The following PRKD3 variants were observed in gnomAD, a reference collection of about 807,000 sequenced individuals.
The protein encoded by PRKD3 is protein kinase D3.
A neutral mutation model predicts 99.2 loss-of-function variants in PRKD3; 47 were observed. That is an observed-to-expected ratio of 0.47 (90% CI 0.38 to 0.60). The LOEUF (loss-of-function observed/expected upper bound fraction) is 0.60, where lower values mean the gene tolerates loss of function less well. PRKD3 is among the 20% of genes least tolerant of loss of function. The pLI, the probability that PRKD3 is intolerant of heterozygous loss-of-function variation, is 0.00. For missense variants in PRKD3, 1,019 were observed against 1,088.4 expected, an observed-to-expected ratio of 0.94 and a Z score of 0.90; for synonymous variants, 392 against 355.4, an observed-to-expected ratio of 1.10 and a Z score of -1.16.
intron 7 of PRKD3, 72 bp from the exon 8 acceptor site, chr2:37,280,001 TAA>T: frequency 2.0e-6 from 2 of 1,021,100 alleles, no homozygotes; most frequent in East Asian, 2.7e-5. Flanking sequence ...AAAAAAGTCT[TAA>T]GAGTCTTAAA....
chr2:37,274,287 T>G (rs1337600926), intron 11 of PRKD3, 134 bp downstream of exon 11: 1 of 964,128 alleles, frequency 1.0e-6, no homozygotes, highest in East Asian at 2.6e-5. Context: ...ACTAATTGTA[T>G]TGGTTACTAA....
intron 1 of PRKD3, among the ~76,000 whole-genome samples, chr2:37,323,163 T>C (rs563860583): frequency 6.6e-6 from 1 of 151,358 alleles, no homozygotes; most frequent in East Asian, 1.9e-4. Flanking sequence ...TATTTTAAAG[T>C]GGCTATCTGA....
chr2:37,311,024 G>A (rs1313772899), intron 2 of PRKD3, among the ~76,000 whole-genome samples: 1 of 152,134 alleles, frequency 6.6e-6, no homozygotes, highest in Non-Finnish European at 1.5e-5. Context: ...CTAGGAAGCA[G>A]AATCACAAAA....
rs139420709 is a variant in PRKD3 at position 37,300,020 on chromosome 2, C to G, written c.289-6749G>C. On this transcript the variant is annotated intron_variant, in intron 2 of 18. Coordinates refer to ENST00000234179, the MANE Select transcript of PRKD3 (RefSeq NM_005813.6). ...ACCACAGGATCCAGCAATCTCGCTA[C>G]AGGGTATCTACCCGAAAGAAACCAA... 8.3e-3 allele frequency among the ~76,000 whole-genome samples: 1,265 copies of G among 152,294 alleles called. 21 individuals are homozygous for G. Among genetic ancestry groups the G allele is most frequent in the African/African-American group, 0.029 (1,215 of 41,544 alleles).
chr2:37,292,462 G>A (rs777135559), intron 3 of PRKD3, among the ~76,000 whole-genome samples: 35 of 151,122 alleles, frequency 2.3e-4, no homozygotes, highest in African/African-American at 5.4e-4. Flanking sequence ...TCTCCTGCCT[G>A]AGCCTCCCCA....
At chr2:37,296,262 G>T (rs1035228252) in intron 2 of PRKD3, among the ~76,000 whole-genome samples, 1 of 152,070 alleles carries the variant, frequency 6.6e-6, no homozygotes, top group Admixed American at 6.5e-5. Context: ...ATTAATGTAT[G>T]ACTTGGAAAA....
chr2:37,267,383 T>C, intron 14 of PRKD3, 47 bp downstream of exon 14: 1 of 1,322,158 alleles, frequency 7.6e-7, no homozygotes. Flanking sequence ...TAATTCAGAT[T>C]CTTACCAGCC....
Position 37,256,816 on chromosome 2 carries a change from G to C in PRKD3, c.2259C>G (p.Tyr753Ter). The change falls in exon 17 of 19, where the codon TAC becomes TAG. Residue 753 changes from tyrosine to a stop codon, truncating the protein, a stop_gained. Transcript: ENST00000234179. LOFTEE classifies it high-confidence loss of function. ...LAPEVLRSKG[Y>*]NRSLDMWSVG... Reference sequence around the variant, plus strand: ...CTGACCACATATCTAGGGAACGGTTGTAACCTTTGCTCCGGAGAACTTCAG... The same window carrying C: ...CTGACCACATATCTAGGGAACGGTTCTAACCTTTGCTCCGGAGAACTTCAG... 1.2e-6 allele frequency: 2 copies of C among 1,613,934 alleles called. No individual in the cohort carries two copies. The highest frequency in any genetic ancestry group is 1.7e-6 in the Non-Finnish European group (2 of 1,179,986).
At chr2:37,253,381 CAAAAG>C (rs774415641) in intron 18 of PRKD3, 31 bp from the exon 19 acceptor site, 17 of 1,549,662 alleles carry the variant, frequency 1.1e-5, no homozygotes, top group African/African-American at 4.1e-5. Context: ...AATGATGAAA[CAAAAG>C]AAACAAAATA....
Position 37,253,247 on chromosome 2 carries a change from G to C in PRKD3, c.2603C>G (p.Thr868Arg), listed in dbSNP as rs754218304. 2.6e-5 allele frequency: 42 copies of C among 1,612,374 alleles called. No homozygotes were observed. The highest frequency in any genetic ancestry group is 3.6e-5 in the Non-Finnish European group (42 of 1,178,684). The part of the protein sequence containing the change: ...DDARWEIHAY[T>R]HNLVYPKHFI... ...GTGCTTTGGGTATACAAGGTTATGT[G>C]TGTATGCATGTATTTCCCAGCGAGC... The change falls in exon 19 of 19, where the codon ACA becomes AGA. Residue 868 changes from threonine (T) to arginine (R), a missense_variant. Around this residue, in one of 3 missense-constraint regions of PRKD3, gnomAD observed 125 missense variants for 120.6 expected, o/e 1.04. Transcript: ENST00000234179.
intron 2 of PRKD3, among the ~76,000 whole-genome samples, chr2:37,314,169 T>C (rs1271727255): frequency 6.6e-6 from 1 of 152,204 alleles, no homozygotes; most frequent in East Asian, 1.9e-4. Flanking sequence ...TTGAACACTA[T>C]CAACCAATTG....
rs1276710396 is a variant in PRKD3 at position 37,324,783 on chromosome 2, T to G, written c.-758A>C. On this transcript the variant is annotated 5_prime_UTR_variant, in exon 1 of 19. Transcript: ENST00000234179. ...CGCGCCTCGCAGGATCCCGCCCGCCTCCGGCGCCCCTTCCTCCCTCCCTCC... is the reference window on the plus strand; with the variant it reads ...CGCGCCTCGCAGGATCCCGCCCGCCGCCGGCGCCCCTTCCTCCCTCCCTCC... The G allele has an allele frequency of 6.6e-6, 1 of 150,676 alleles. No individual in the cohort carries two copies. Among genetic ancestry groups the G allele is most frequent in the Non-Finnish European group, 1.5e-5 (1 of 67,506 alleles). 9.3% of individuals were successfully genotyped at this position (150,676 alleles called of 1,614,324 possible). A position where few individuals can be genotyped will look rare whatever the true frequency, so the allele number is the denominator to read the frequency against.
At chr2:37,278,697 G>C (rs1354374804) in intron 8 of PRKD3, 1 of 152,212 alleles carries the variant, frequency 6.6e-6, no homozygotes, top group Non-Finnish European at 1.5e-5. Context: ...CCACCACTTT[G>C]GGAAGCTGAG....
In PRKD3 at chr2:37,251,769, T is replaced by C. The variant is rs1160917638; in HGVS notation, c.*1408A>G. 6.6e-6 allele frequency: 1 copy of C among 152,086 alleles called. No homozygotes were observed. The highest frequency in any genetic ancestry group is 2.4e-5 in the African/African-American group (1 of 41,410). 9.4% of individuals were successfully genotyped at this position (152,086 alleles called of 1,614,324 possible). A position where few individuals can be genotyped will look rare whatever the true frequency, so the allele number is the denominator to read the frequency against. On this transcript the variant is annotated 3_prime_UTR_variant, in exon 19 of 19. Transcript: ENST00000234179. ...GAATGATAATCTTCATTTTACAGAC[T>C]GAGGAACTGCCGACAGACCTGCCAT...
Position 37,267,516 on chromosome 2 carries a change from T to TC in PRKD3, c.1797dup (p.Arg600GlufsTer6), listed in dbSNP as rs1668928140. On this transcript the variant is annotated frameshift_variant, in exon 14 of 19. Transcript: ENST00000234179. LOFTEE classifies it high-confidence loss of function. Reference sequence around the variant, plus strand: ...TCAATTACTTTAATAGCCACATCCCTCCCAGTCTTTCTATGTTTTCCTATT... The same window carrying TC: ...TCAATTACTTTAATAGCCACATCCCTCCCCAGTCTTTCTATGTTTTCCTATT... The TC allele has an allele frequency of 6.2e-7, 1 of 1,608,586 alleles. No individual in the cohort carries two copies. Among genetic ancestry groups the TC allele is most frequent in the South Asian group, 1.1e-5 (1 of 90,154 alleles).
At chr2:37,289,674 T>C (rs193232028) in intron 4 of PRKD3, among the ~76,000 whole-genome samples, 161 bp from the exon 5 acceptor site, 26 of 152,282 alleles carry the variant, frequency 1.7e-4, no homozygotes, top group Admixed American at 1.4e-3. Flanking sequence ...AGCTAATGAA[T>C]TCAAGAAGAA....
At chr2:37,299,557 CACAAGCTTCT>C (rs1183385780) in intron 2 of PRKD3, among the ~76,000 whole-genome samples, 1 of 136,118 alleles carries the variant, frequency 7.3e-6, no homozygotes, top group African/African-American at 2.7e-5. Context: ...CACACACACA[CACAAGCTTCT>C]GCAAGGAAAT....
At chr2:37,278,141 G>T in intron 8 of PRKD3, 152 bp from the exon 9 acceptor site, 1 of 471,926 alleles carries the variant, frequency 2.1e-6, no homozygotes, top group Non-Finnish European at 3.6e-6. Flanking sequence ...AATTAATCCT[G>T]TTATGATGAT....
At chr2:37,270,978 C>A (rs571699125) in intron 12 of PRKD3, among the ~76,000 whole-genome samples, 11 of 152,140 alleles carry the variant, frequency 7.2e-5, no homozygotes, top group Admixed American at 3.3e-4. Context: ...TGATATTCCT[C>A]CTTATCTCCC....
Sources: allele counts gnomAD v4.1 joint callset (sites outside exome capture counted in the v4.1 genomes callset), GRCh38; gene constraint gnomAD v4.1.1; regional missense constraint gnomAD v4.1.1; transcripts MANE v1.5; gene names NCBI Gene and HGNC (gene_info 2026-07-23, HGNC 2026-07-21).